Variants in CAST observed in about 807,000 individuals in gnomAD.
The protein encoded by CAST is MIR583 host.
A neutral mutation model predicts 119.6 loss-of-function variants in CAST; 76 were observed. The ratio of observed to expected loss-of-function variants is 0.64; its 90% CI spans 0.53 to 0.77. CAST has a LOEUF of 0.77. Ranked by LOEUF, CAST falls within the 30% of genes least tolerant of loss-of-function variation. The pLI is 0.00. For synonymous variants in CAST, 319 were observed against 331.6 expected, an observed-to-expected ratio of 0.96 and a Z score of 0.41; for missense variants, 953 against 946.5, an observed-to-expected ratio of 1.01 and a Z score of -0.09.
the CAST span, among the ~76,000 whole-genome samples, chr5:96,237,412 T>C: frequency 6.6e-6 from 1 of 152,226 alleles, no homozygotes; most frequent in Admixed American, 6.5e-5. Flanking sequence ...TCTACTTTTG[T>C]CTGATATGGG....
the CAST span, among the ~76,000 whole-genome samples, chr5:96,220,175 T>G: frequency 6.6e-6 from 1 of 152,172 alleles, no homozygotes. Context: ...CTGAAAAGGG[T>G]TTGTCTCCTT....
chr5:96,008,306 C>T, the CAST span, among the ~76,000 whole-genome samples: 43 of 152,296 alleles, frequency 2.8e-4, no homozygotes, highest in Non-Finnish European at 5.0e-4. Flanking sequence ...CACCTGTTCA[C>T]TTTTCCTGTT....
At chr5:96,165,758 A>C in the CAST span, among the ~76,000 whole-genome samples, 1 of 152,226 alleles carries the variant, frequency 6.6e-6, no homozygotes, top group Non-Finnish European at 1.5e-5. Context: ...GTTAACAAAT[A>C]AAATAAAAGT....
the CAST span, among the ~76,000 whole-genome samples, chr5:95,966,089 A>G: frequency 3.3e-5 from 5 of 152,244 alleles, no homozygotes; most frequent in South Asian, 2.1e-4. Context: ...TTAGAGGCTC[A>G]AGAGTTTCTT....
intron 1 of CAST, among the ~76,000 whole-genome samples, chr5:96,667,124 C>A (rs894973168): frequency 2.0e-5 from 3 of 152,174 alleles, no homozygotes; most frequent in African/African-American, 4.8e-5. Flanking sequence ...CCAATAAACA[C>A]TGTTCATGTA....
intron 1 of CAST, among the ~76,000 whole-genome samples, chr5:96,543,706 G>T (rs4623170): frequency 1.3e-5 from 2 of 152,036 alleles, no homozygotes; most frequent in Non-Finnish European, 2.9e-5. Flanking sequence ...TTATCTTCTA[G>T]AAGTTTAATG....
chr5:96,336,835 A>T, the CAST span, among the ~76,000 whole-genome samples: 1 of 152,184 alleles, frequency 6.6e-6, no homozygotes, highest in Non-Finnish European at 1.5e-5. Flanking sequence ...TCTTCCTTTA[A>T]TATCTGAGGA....
the CAST span, among the ~76,000 whole-genome samples, chr5:96,273,777 A>G: frequency 3.4e-4 from 52 of 152,306 alleles, no homozygotes; most frequent in African/African-American, 1.2e-3. Flanking sequence ...AGTAAACACA[A>G]TGTAGATATC....
At chr5:96,227,015 C>T in the CAST span, among the ~76,000 whole-genome samples, 1 of 152,146 alleles carries the variant, frequency 6.6e-6, no homozygotes, top group African/African-American at 2.4e-5. Flanking sequence ...CAGCATTGTT[C>T]GCTGTCGCTC....
the CAST span, among the ~76,000 whole-genome samples, chr5:96,283,539 C>T: frequency 6.6e-6 from 1 of 152,216 alleles, no homozygotes; most frequent in African/African-American, 2.4e-5. Flanking sequence ...TGGCAAGTCT[C>T]ATTCTGCTGT....
the CAST span, among the ~76,000 whole-genome samples, chr5:96,236,793 A>G: frequency 6.6e-6 from 1 of 152,130 alleles, no homozygotes; most frequent in Admixed American, 6.5e-5. Flanking sequence ...GTTAGACAAT[A>G]CTGTGTATTT....
the CAST span, among the ~76,000 whole-genome samples, chr5:96,360,111 C>T: frequency 6.6e-6 from 1 of 151,844 alleles, no homozygotes; most frequent in South Asian, 2.1e-4. Context: ...ATCCTTTCTT[C>T]TGCTTGATCG....
chr5:96,330,869 A>G, the CAST span, among the ~76,000 whole-genome samples: 2 of 151,956 alleles, frequency 1.3e-5, no homozygotes, highest in Admixed American at 1.3e-4. Context: ...ACTTCGGGAG[A>G]GGGTGAAGAG....
the CAST span, among the ~76,000 whole-genome samples, chr5:96,220,599 T>A: frequency 6.6e-6 from 1 of 152,232 alleles, no homozygotes; most frequent in African/African-American, 2.4e-5. Context: ...CTAGGCCTTC[T>A]GACTCTGTTT....
the CAST span, among the ~76,000 whole-genome samples, chr5:96,512,468 A>G: frequency 6.6e-6 from 1 of 152,246 alleles, no homozygotes; most frequent in African/African-American, 2.4e-5. Context: ...TATATGGCAC[A>G]TAGTATAACC....
In CAST at chr5:96,546,935, C is replaced by T. The variant is rs180879957; in HGVS notation, c.60+17055C>T. Among the ~76,000 whole-genome samples, 374 of 152,264 alleles carry T rather than the reference C, an allele frequency of 2.5e-3. 2 individuals carry two copies. Among genetic ancestry groups the T allele is most frequent in the African/African-American group, 8.7e-3 (363 of 41,554 alleles). On this transcript the variant is annotated intron_variant, in intron 1 of 11. Coordinates refer to the CAST transcript ENST00000505143. ...AAGATCTCTCCAGACTGTAGTATTG[C>T]AGAGAGCAGGAAAACTGACATAGCC...
chr5:96,083,851 C>T, the CAST span, among the ~76,000 whole-genome samples: 6 of 152,310 alleles, frequency 3.9e-5, no homozygotes, highest in African/African-American at 1.4e-4. Context: ...ATCTCAAAAC[C>T]ATGGTGTGGT....
chr5:96,443,209 G>A, the CAST span, among the ~76,000 whole-genome samples: 50 of 152,324 alleles, frequency 3.3e-4, no homozygotes, highest in African/African-American at 1.1e-3. Context: ...CTCACCAAGA[G>A]TAAAATAGCC....
the CAST span, among the ~76,000 whole-genome samples, chr5:96,159,056 C>T: frequency 2.0e-5 from 3 of 152,198 alleles, no homozygotes; most frequent in African/African-American, 2.4e-5. Context: ...GTCTAGGAGC[C>T]CCCTGGAATT....
Sources: gnomAD v4.1 joint callset for allele counts (sites outside exome capture counted in the v4.1 genomes callset) on GRCh38, gnomAD v4.1.1 for gene constraint, MANE v1.5 for transcripts, NCBI Gene and HGNC (gene_info 2026-07-23, HGNC 2026-07-21) for gene names.